ZEB1: variants seen among roughly 807,000 people sequenced by gnomAD.
ZEB1 encodes the protein zinc finger E-box-binding homeobox 1.
Under a neutral mutation model 84.9 loss-of-function variants are expected in ZEB1, and 21 were observed. That is an observed-to-expected ratio of 0.25 (90% confidence interval 0.18 to 0.36). The LOEUF is 0.36. Among genes scored for constraint, ZEB1 ranks in the 10% least tolerant of loss-of-function variants. The pLI, the probability that ZEB1 is intolerant of heterozygous loss-of-function variation, is 1.00. For missense variants in ZEB1, 1,104 were observed against 1,330.2 expected (o/e 0.83, Z 2.65); for synonymous variants, 420 against 471.1 (o/e 0.89, Z 1.41).
chr10:31,447,826 C>G (rs2059992013), intron 1 of ZEB1, among the ~76,000 whole-genome samples: 1 of 152,200 alleles, frequency 6.6e-6, no homozygotes, highest in Non-Finnish European at 1.5e-5. Context: ...CCCGACCTTT[C>G]TCTCTGGCTG....
chr10:31,384,506 G>A (rs562558426), intron 1 of ZEB1, among the ~76,000 whole-genome samples: 2 of 152,254 alleles, frequency 1.3e-5, no homozygotes, highest in South Asian at 4.1e-4. Flanking sequence ...AGTCATGACG[G>A]TAGTCCATGA....
At chr10:31,354,774 C>T (rs1398421502) in intron 1 of ZEB1, among the ~76,000 whole-genome samples, 2 of 152,088 alleles carry the variant, frequency 1.3e-5, no homozygotes, top group Non-Finnish European at 2.9e-5. Context: ...ATAATTCAGC[C>T]ACATGTCACA....
chr10:31,453,176 A>T (rs562027127), intron 1 of ZEB1, among the ~76,000 whole-genome samples: 147 of 152,298 alleles, frequency 9.7e-4, no homozygotes, highest in African/African-American at 3.2e-3. Flanking sequence ...AAGGCATAAC[A>T]TAATAAGGGT....
chr10:31,481,398 C>A (rs937863561), intron 2 of ZEB1, among the ~76,000 whole-genome samples: 3 of 152,008 alleles, frequency 2.0e-5, no homozygotes, highest in Admixed American at 6.6e-5. Context: ...GATTTAAATA[C>A]CATTCTCCAG....
intron 1 of ZEB1, among the ~76,000 whole-genome samples, chr10:31,397,597 A>G (rs2051045056): frequency 6.6e-6 from 1 of 152,284 alleles, no homozygotes; most frequent in East Asian, 1.9e-4. Context: ...CTTTTGCACA[A>G]CTGTTTAAAG....
chr10:31,442,586 A>G (rs990179987), intron 1 of ZEB1, among the ~76,000 whole-genome samples: 5 of 151,796 alleles, frequency 3.3e-5, no homozygotes, highest in Admixed American at 2.0e-4. Context: ...AAGAAATCCA[A>G]GTGGAGCTAT....
intron 1 of ZEB1, among the ~76,000 whole-genome samples, chr10:31,408,000 G>A (rs540920120): frequency 2.0e-3 from 297 of 148,804 alleles, no homozygotes; most frequent in African/African-American, 6.5e-3. Flanking sequence ...AAACCCCATT[G>A]TCTCAGCCCA....
intron 5 of ZEB1, among the ~76,000 whole-genome samples, chr10:31,513,997 T>C (rs903120214): frequency 1.3e-5 from 2 of 152,148 alleles, no homozygotes; most frequent in Non-Finnish European, 1.5e-5. Flanking sequence ...ATTTGAAATA[T>C]GTGAAAATGG....
intron 1 of ZEB1, among the ~76,000 whole-genome samples, chr10:31,330,787 A>G (rs2036566314): frequency 6.6e-6 from 1 of 151,892 alleles, no homozygotes; most frequent in Non-Finnish European, 1.5e-5. Context: ...CTTAGAAAAT[A>G]TAGATGTTAC....
intron 1 of ZEB1, among the ~76,000 whole-genome samples, chr10:31,450,464 C>T (rs80030568): frequency 0.017 from 2,580 of 152,028 alleles, 62 homozygotes; most frequent in African/African-American, 0.059. Flanking sequence ...GTCCTTACTG[C>T]TAATAGTTTT....
intron 4 of ZEB1, among the ~76,000 whole-genome samples, chr10:31,509,035 T>G (rs2069486500): frequency 6.6e-6 from 1 of 152,044 alleles, no homozygotes; most frequent in Non-Finnish European, 1.5e-5. Flanking sequence ...GGAGGAGGTA[T>G]GGTCACTGCC....
chr10:31,408,246 G>A lies in ZEB1; in HGVS notation c.59-52791G>A, dbSNP rs2053530202. Among the ~76,000 whole-genome samples the A allele has an allele frequency of 1.3e-5, 2 of 150,364 alleles. 1 individual carries two copies. The highest frequency in any genetic ancestry group is 1.3e-4 in the Admixed American group (2 of 15,138). On this transcript the variant is annotated intron_variant, in intron 1 of 8. Coordinates refer to ENST00000424869, the MANE Select transcript of ZEB1 (RefSeq NM_001174096.2). ...ACCACTGGTCAAGGAAATAAAAGAG[G>A]ATACAAACAAATGGAAGAACATTCC... is the stretch of plus-strand genomic sequence containing the variant.
At chr10:31,363,678 A>G (rs781475606) in intron 1 of ZEB1, 46 of 1,327,484 alleles carry the variant, frequency 3.5e-5, no homozygotes, top group East Asian at 5.0e-5. Context: ...CTCTGAGACA[A>G]GGGATCCTTA....
intron 1 of ZEB1, among the ~76,000 whole-genome samples, chr10:31,457,375 A>G (rs1244259312): frequency 6.6e-6 from 1 of 152,144 alleles, no homozygotes; most frequent in Non-Finnish European, 1.5e-5. Flanking sequence ...TTGACTATTA[A>G]TTTAAGTTTC....
rs1204880411 is a variant in ZEB1 at position 31,375,090 on chromosome 10, C to CACACACACACAG, written c.58+55799_58+55800insCACACACACAGA. 7.9e-5 allele frequency: 11 copies of CACACACACACAG among 140,022 alleles called. No homozygotes were observed. The South Asian group carries it at 1.3e-3, about 17-fold the overall frequency. 8.7% of individuals were successfully genotyped at this position (140,022 alleles called of 1,614,324 possible). A position where few individuals can be genotyped will look rare whatever the true frequency, so the allele number is the denominator to read the frequency against. The stretch of plus-strand genomic sequence containing the variant: ...ACACACACACACACACACACACACA[C>CACACACACACAG]AGAGAAGCATACATGTTGATTACGT... On this transcript the variant is annotated intron_variant, in intron 1 of 8. Transcript: ENST00000424869.
chr10:31,408,810 A>C (rs1009852429), intron 1 of ZEB1, among the ~76,000 whole-genome samples: 2 of 150,426 alleles, frequency 1.3e-5, no homozygotes, highest in South Asian at 2.1e-4. Context: ...AAACCTAGAC[A>C]TTACCATTCA....
intron 5 of ZEB1, among the ~76,000 whole-genome samples, chr10:31,513,123 A>G (rs2070412060): frequency 6.6e-6 from 1 of 152,174 alleles, no homozygotes; most frequent in Non-Finnish European, 1.5e-5. Context: ...GATAAGAGAG[A>G]CAAGAACGGA....
Position 31,526,983 on chromosome 10 carries a change from G to C in ZEB1, c.3097G>C (p.Glu1033Gln). The C allele has an allele frequency of 6.2e-7, 1 of 1,612,272 alleles. No homozygotes were observed. The highest frequency in any genetic ancestry group is 2.2e-5 in the East Asian group (1 of 44,720). ...CGAGAGAGAGAGTTTGACAAGGGAA[G>C]AGGATGAAGACAGTGAAAAAGAGGA... is the stretch of plus-strand genomic sequence containing the variant. ...SDERESLTRE[E>Q]DEDSEKEEEE... Residue 1033 changes from glutamate to glutamine, a missense_variant, in exon 9 of 9, where the codon GAG becomes CAG. By Grantham distance (29) the Glu-to-Gln change is conservative. This residue lies in a region of ZEB1 where 173 missense variants were observed against 167.0 expected (regional missense o/e 1.04). Coordinates refer to ENST00000424869, the MANE Select transcript of ZEB1 (RefSeq NM_001174096.2).
At chr10:31,434,731 A>T (rs924213007) in intron 1 of ZEB1, among the ~76,000 whole-genome samples, 3 of 152,228 alleles carry the variant, frequency 2.0e-5, no homozygotes, top group African/African-American at 7.2e-5. Flanking sequence ...ACATGAAGGG[A>T]TATAGTCACT....
Sources: gnomAD v4.1 joint callset for allele counts (sites outside exome capture counted in the v4.1 genomes callset) on GRCh38, gnomAD v4.1.1 for gene constraint, gnomAD v4.1.1 regional missense constraint, MANE v1.5 for transcripts, NCBI Gene and HGNC (gene_info 2026-07-23, HGNC 2026-07-21) for gene names.